ABTB2: variants seen among roughly 807,000 people sequenced by gnomAD.
ABTB2 encodes ankyrin repeat and BTB/POZ domain-containing protein 2.
In ABTB2, 56 loss-of-function variants were observed where a neutral mutation model predicts 104.1. The ratio of observed to expected loss-of-function variants is 0.54; its 90% confidence interval spans 0.43 to 0.67. ABTB2 has a LOEUF of 0.67. Among genes scored for constraint, ABTB2 ranks in the 30% least tolerant of loss-of-function variants. The pLI is 0.00. For synonymous variants in ABTB2, 606 were observed against 608.2 expected (o/e 1.00, Z 0.05); for missense variants, 1,279 against 1,407.7 (o/e 0.91, Z 1.46).
At chr11:34,267,169 G>T (rs184596548) in intron 1 of ABTB2, among the ~76,000 whole-genome samples, 3 of 152,176 alleles carry the variant, frequency 2.0e-5, no homozygotes, top group African/African-American at 7.2e-5. Flanking sequence ...GTGTCACGAC[G>T]GCCAAGTACT....
intron 1 of ABTB2, among the ~76,000 whole-genome samples, chr11:34,253,116 C>T (rs901754465): frequency 1.6e-4 from 24 of 152,224 alleles, no homozygotes; most frequent in African/African-American, 5.8e-4. Flanking sequence ...AGCCCCAGCT[C>T]CTCCAGGTGG....
intron 13 of ABTB2, 108 bp from the exon 14 acceptor site, chr11:34,159,494 T>A (rs1288795055): frequency 5.4e-6 from 4 of 735,916 alleles, no homozygotes; most frequent in Non-Finnish European, 9.6e-6. Context: ...CGGAACATTT[T>A]AAAAATTACT....
intron 1 of ABTB2, among the ~76,000 whole-genome samples, chr11:34,223,677 C>T (rs1265908446): frequency 2.0e-5 from 3 of 152,206 alleles, no homozygotes; most frequent in Non-Finnish European, 4.4e-5. Flanking sequence ...AAAGCAGTCT[C>T]CTGCGCCCCG....
intron 3 of ABTB2, among the ~76,000 whole-genome samples, chr11:34,193,476 C>G (rs542380834): frequency 2.6e-5 from 4 of 152,226 alleles, no homozygotes; most frequent in African/African-American, 9.6e-5. Flanking sequence ...GCTGGGAAAG[C>G]CACAGCCTGG....
At chr11:34,257,491 T>G (rs1036295209) in intron 1 of ABTB2, among the ~76,000 whole-genome samples, 3 of 152,224 alleles carry the variant, frequency 2.0e-5, no homozygotes, top group Non-Finnish European at 4.4e-5. Context: ...TAGAACTTTC[T>G]GTAATGGTGA....
chr11:34,196,830 C>T (rs1037867332), intron 3 of ABTB2, among the ~76,000 whole-genome samples: 1 of 152,178 alleles, frequency 6.6e-6, no homozygotes, highest in Non-Finnish European at 1.5e-5. Context: ...ATGGATGGGG[C>T]AAAACACACC....
At chr11:34,256,849 C>T (rs1383027022) in intron 1 of ABTB2, among the ~76,000 whole-genome samples, 1 of 152,158 alleles carries the variant, frequency 6.6e-6, no homozygotes, top group African/African-American at 2.4e-5. Flanking sequence ...CCTAAAAAAT[C>T]TTGCTGGCAA....
chr11:34,234,337 C>T (rs1000121602), intron 1 of ABTB2, among the ~76,000 whole-genome samples: 10 of 152,170 alleles, frequency 6.6e-5, no homozygotes, highest in African/African-American at 2.4e-4. Flanking sequence ...AAATGGAGAA[C>T]TTTTAGATTC....
At position 34,244,509 on chromosome 11, in the gene ABTB2, G is replaced by A. The variant is rs554691794; in HGVS notation, c.884-39819C>T. On this transcript the variant is annotated intron_variant, in intron 1 of 16. Coordinates refer to ENST00000435224, the MANE Select transcript of ABTB2 (RefSeq NM_145804.3). ...CAGGGATATCTCATTGTAACTGAAC[G>A]AGCACTTACTTGCTGCCTGCATTAA... Among the ~76,000 whole-genome samples the A allele has an allele frequency of 6.6e-5, 10 of 152,278 alleles. No homozygotes were observed. The East Asian group carries it at 7.7e-4, about 12-fold the overall frequency.
intron 3 of ABTB2, among the ~76,000 whole-genome samples, chr11:34,180,118 A>C (rs1303406616): frequency 6.6e-6 from 1 of 152,222 alleles, no homozygotes; most frequent in African/African-American, 2.4e-5. Flanking sequence ...AGCTTTCTGA[A>C]AGTCCAGCCA....
chr11:34,295,312 G>A (rs998380418), intron 1 of ABTB2, among the ~76,000 whole-genome samples: 10 of 152,182 alleles, frequency 6.6e-5, no homozygotes, highest in African/African-American at 1.9e-4. Flanking sequence ...GGACCCTAAC[G>A]TACAAGTTGG....
chr11:34,317,065 C>A (rs918953344), intron 1 of ABTB2, among the ~76,000 whole-genome samples: 1 of 152,214 alleles, frequency 6.6e-6, no homozygotes, highest in African/African-American at 2.4e-5. Context: ...AGGCAACTGA[C>A]TACAAAACCA....
In ABTB2 at chr11:34,357,486, G is replaced by A. The variant is rs1261223585; in HGVS notation, c.98C>T (p.Ser33Leu). Residue 33 changes from serine (S) to leucine (L), a missense_variant, in exon 1 of 17, where the codon TCG becomes TTG. By Grantham distance (145) the Ser-to-Leu change is moderately radical. Coordinates refer to ENST00000435224, the MANE Select transcript of ABTB2 (RefSeq NM_145804.3). ...AGDSCRSLSL[S>L]SSKSNSQALN... ...CGCCTGCGAGTTGGACTTGGAGGAC[G>A]AGAGGCTGAGCGAGCGGCACGAGTC... The A allele has an allele frequency of 6.5e-7, 1 of 1,544,924 alleles. No homozygotes were observed. The highest frequency in any genetic ancestry group is 1.4e-5 in the African/African-American group (1 of 73,164).
At chr11:34,324,063 A>G (rs539672485) in intron 1 of ABTB2, among the ~76,000 whole-genome samples, 1 of 152,028 alleles carries the variant, frequency 6.6e-6, no homozygotes, top group South Asian at 2.1e-4. Flanking sequence ...GGTGCCTGCC[A>G]CCATACCCAG....
At chr11:34,207,078 G>A (rs1013415433) in intron 1 of ABTB2, among the ~76,000 whole-genome samples, 2 of 152,216 alleles carry the variant, frequency 1.3e-5, no homozygotes, top group African/African-American at 4.8e-5. Flanking sequence ...CAAACACATT[G>A]GGAAGAGCTG....
intron 1 of ABTB2, among the ~76,000 whole-genome samples, chr11:34,338,502 G>C (rs1198064422): frequency 1.3e-5 from 2 of 150,982 alleles, no homozygotes; most frequent in Non-Finnish European, 1.5e-5. Flanking sequence ...TTTGAGACCA[G>C]CCTGGCCAAC....
Position 34,271,660 on chromosome 11 carries a change from G to T in ABTB2, c.884-66970C>A, listed in dbSNP as rs990634354. The stretch of plus-strand genomic sequence containing the variant: ...GAGGTAGGAGGATTGCTTGGGCCCA[G>T]AAGGTTGAGGCTGAATGAGCTGTGA... On this transcript the variant is annotated intron_variant, in intron 1 of 16. Transcript: ENST00000435224. Among the ~76,000 whole-genome samples, 6 of 152,182 alleles carry T rather than the reference G, an allele frequency of 3.9e-5. No homozygotes were observed. The East Asian group carries it at 1.2e-3, about 29-fold the overall frequency.
At position 34,356,922 on chromosome 11, in the gene ABTB2, A is replaced by G; in HGVS notation, c.662T>C (p.Val221Ala). The G allele has an allele frequency of 6.2e-7, 1 of 1,602,680 alleles. No homozygotes were observed. The highest frequency in any genetic ancestry group is 8.5e-7 in the Non-Finnish European group (1 of 1,174,824). Residue 221 changes from valine (V) to alanine (A), a missense_variant, in exon 1 of 17, where the codon GTG becomes GCG. Coordinates refer to ENST00000435224, the MANE Select transcript of ABTB2 (RefSeq NM_145804.3). The surrounding 1 kb of genome is among the most constrained non-coding windows in gnomAD (Gnocchi z 4.6). ...FRWMVDTRIS[V>A]RIHEYAAISL... ...GATGGCTGCGTACTCGTGGATGCGC[A>G]CGGAGATTCGGGTGTCCACCATCCA...
Position 34,152,367 on chromosome 11 carries a change from G to A in ABTB2, c.*20C>T, listed in dbSNP as rs369160367. ...TGGCACCTCCACAGGCCCTGGCCTC[G>A]GCAGCCTCCGCCCCCTGCCTCACAC... On this transcript the variant is annotated 3_prime_UTR_variant, in exon 17 of 17. Transcript: ENST00000435224. 72 of 1,546,858 alleles carry A rather than the reference G, an allele frequency of 4.7e-5. No homozygotes were observed. Among genetic ancestry groups the A allele is most frequent in the Middle Eastern group, 2.3e-4 (1 of 4,376 alleles).
Sources: allele counts gnomAD v4.1 joint callset (sites outside exome capture counted in the v4.1 genomes callset), GRCh38; gene constraint gnomAD v4.1.1; non-coding constraint Gnocchi (gnomAD v3.1); transcripts MANE v1.5; gene names NCBI Gene and HGNC (gene_info 2026-07-23, HGNC 2026-07-21).